Variants in POLA1 observed in about 807,000 individuals in gnomAD.
POLA1 encodes DNA polymerase alpha catalytic subunit.
In POLA1, 15 loss-of-function variants were observed where a neutral mutation model predicts 124.0. The observed-to-expected ratio is 0.12, with a 90% CI of 0.08 to 0.19. The LOEUF (loss-of-function observed/expected upper bound fraction) is 0.19, where lower values mean the gene tolerates loss of function less well. POLA1 is among the 10% of genes least tolerant of loss of function. The pLI, the probability that POLA1 is intolerant of heterozygous loss-of-function variation, is 1.00. For missense variants in POLA1, 886 were observed against 1,103.4 expected, an observed-to-expected ratio of 0.80 and a Z score of 2.79; for synonymous variants, 408 against 389.4, an observed-to-expected ratio of 1.05 and a Z score of -0.56.
At chrX:24,911,973 A>G (rs924331647) in intron 35 of POLA1, among the ~76,000 whole-genome samples, 1 of 112,567 alleles carries the variant, frequency 8.9e-6, no homozygotes, top group African/African-American at 3.2e-5. Flanking sequence ...GAATCAATAC[A>G]TAGCTTTAAT....
At chrX:24,887,532 G>A (rs368023030) in intron 34 of POLA1, among the ~76,000 whole-genome samples, 8 of 111,993 alleles carry the variant, frequency 7.1e-5, no homozygotes, top group East Asian at 2.8e-4. Flanking sequence ...TTGCAACAAC[G>A]GTATACGGTA....
At chrX:24,964,074 T>C in intron 36 of POLA1, among the ~76,000 whole-genome samples, 1 of 111,699 alleles carries the variant, frequency 9.0e-6, no homozygotes, top group East Asian at 2.8e-4. Context: ...GAAGTGCTGA[T>C]TGGTGGGAAG....
At chrX:24,820,581 C>T (rs1433433490) in intron 30 of POLA1, among the ~76,000 whole-genome samples, 1 of 111,685 alleles carries the variant, frequency 9.0e-6, no homozygotes, top group Non-Finnish European at 1.9e-5. Flanking sequence ...TCTTGCTTTT[C>T]CTTCTAGTGC....
chrX:24,871,845 G>A (rs10081843), intron 34 of POLA1, among the ~76,000 whole-genome samples: 32 of 112,102 alleles, frequency 2.9e-4, no homozygotes, highest in African/African-American at 9.7e-4. Flanking sequence ...AAATATAAAA[G>A]GAGCTATTTT....
At chrX:24,838,911 C>T (rs1448141206) in intron 32 of POLA1, among the ~76,000 whole-genome samples, 5 of 111,639 alleles carry the variant, frequency 4.5e-5, no homozygotes, top group Non-Finnish European at 9.4e-5. Context: ...ACTGAAACTT[C>T]GAAATAAGCT....
chrX:24,837,709 T>G (rs1439252682), intron 32 of POLA1, among the ~76,000 whole-genome samples: 1 of 112,154 alleles, frequency 8.9e-6, no homozygotes, highest in African/African-American at 3.2e-5. Context: ...TCTAAGAAAT[T>G]TTTACAAAAA....
intron 35 of POLA1, among the ~76,000 whole-genome samples, chrX:24,925,280 A>G (rs1467848174): frequency 6.3e-5 from 7 of 111,629 alleles, no homozygotes; most frequent in Non-Finnish European, 9.4e-5. Flanking sequence ...TTTTACATCA[A>G]TGAGAATGTA....
chrX:24,830,875 C>A (rs1224785544), intron 32 of POLA1, among the ~76,000 whole-genome samples: 1 of 111,968 alleles, frequency 8.9e-6, no homozygotes, highest in Non-Finnish European at 1.9e-5. Flanking sequence ...CTCCAATGAG[C>A]AATGATTTGT....
intron 26 of POLA1, among the ~76,000 whole-genome samples, chrX:24,750,151 C>T (rs1004483120): frequency 6.2e-5 from 7 of 112,243 alleles, no homozygotes; most frequent in Admixed American, 1.9e-4. Context: ...TTTTGTATTA[C>T]GAGAGCAGAG....
Position 24,742,135 on chromosome X carries a change from T to C in POLA1, c.2466+14T>C. ...CAGCAAAAACTGGTGGGTCCAAAAC[T>C]GTGTAGTATTTTGTTTTCTCTTAAC... On this transcript the variant is annotated intron_variant, in intron 22 of 36. Coordinates refer to ENST00000379068, the MANE Select transcript of POLA1 (RefSeq NM_001330360.2). 2 of 1,188,165 alleles carry C rather than the reference T, an allele frequency of 1.7e-6. No individual in the cohort carries two copies.
chrX:24,888,912 C>CA (rs1369416623), intron 35 of POLA1, among the ~76,000 whole-genome samples: 2 of 109,533 alleles, frequency 1.8e-5, no homozygotes, highest in Non-Finnish European at 3.8e-5. Flanking sequence ...CTCTGTCGCC[C>CA]AGGCTGGAGT....
intron 26 of POLA1, among the ~76,000 whole-genome samples, chrX:24,768,145 G>T (rs998983388): frequency 1.8e-5 from 2 of 112,337 alleles, no homozygotes; most frequent in African/African-American, 3.2e-5. Flanking sequence ...GAAAGGATGT[G>T]TACTGTATTA....
intron 2 of POLA1, among the ~76,000 whole-genome samples, chrX:24,701,488 T>G (rs1199529244): frequency 9.6e-6 from 1 of 103,949 alleles, no homozygotes; most frequent in Non-Finnish European, 2.0e-5. Context: ...CAGGCTGGAG[T>G]GCGATGGCAT....
At chrX:24,926,484 A>G (rs1017874842) in intron 35 of POLA1, among the ~76,000 whole-genome samples, 2 of 111,862 alleles carry the variant, frequency 1.8e-5, no homozygotes, top group South Asian at 3.8e-4. Flanking sequence ...TTAGGACCAA[A>G]AAAATGCAAG....
chrX:24,715,293 A>AT (rs1474229223), intron 6 of POLA1, 90 bp downstream of exon 6: 3 of 623,224 alleles, frequency 4.8e-6, no homozygotes, highest in Admixed American at 5.6e-5. Context: ...TATTGCCAGA[A>AT]TTTTTTCTTT....
Position 24,737,727 on chromosome X carries a change from A to G in POLA1, c.2026A>G (p.Met676Val). 9.3e-7 allele frequency: 1 copy of G among 1,080,833 alleles called. No individual in the cohort carries two copies. The highest frequency in any genetic ancestry group is 1.3e-6 in the Non-Finnish European group (1 of 785,248). 89.1% of individuals were successfully genotyped at this position (1,080,833 alleles called of 1,213,427 possible). Reference sequence around the variant, plus strand: ...GATAGGTCGACTGAAGCGATCCAACATGCCAAAGCTTGGGGTAATAATAAT... The same window carrying G: ...GATAGGTCGACTGAAGCGATCCAACGTGCCAAAGCTTGGGGTAATAATAAT... ...SKIGRLKRSN[M>V]PKLGGRSGFG... is the part of the protein sequence containing the mutation. Residue 676 changes from methionine to valine, a missense_variant, in exon 19 of 37, where the codon ATG (methionine) becomes GTG (valine). By Grantham distance (21) the Met-to-Val change is conservative. Coordinates refer to ENST00000379068, the MANE Select transcript of POLA1 (RefSeq NM_001330360.2).
intron 32 of POLA1, 69 bp from the exon 33 acceptor site, chrX:24,841,582 TG>T: frequency 1.7e-6 from 1 of 591,039 alleles, no homozygotes; most frequent in East Asian, 3.8e-5. Context: ...TAATTTTTTG[TG>T]GGAGTTTTCT....
intron 18 of POLA1, among the ~76,000 whole-genome samples, chrX:24,736,855 A>G (rs1043934866): frequency 9.0e-6 from 1 of 111,592 alleles, no homozygotes; most frequent in Non-Finnish European, 1.9e-5. Context: ...TTTTGTTTCT[A>G]TGATTTTGAC....
chrX:24,757,080 T>TA (rs747868725), intron 26 of POLA1, among the ~76,000 whole-genome samples: 48 of 110,740 alleles, frequency 4.3e-4, no homozygotes, highest in Middle Eastern at 9.1e-3. Context: ...TATTTTATGT[T>TA]AAAAAAAAGC....
Sources: gnomAD v4.1 joint callset for allele counts (sites outside exome capture counted in the v4.1 genomes callset) on GRCh38, gnomAD v4.1.1 for gene constraint, MANE v1.5 for transcripts, NCBI Gene and HGNC (gene_info 2026-07-23, HGNC 2026-07-21) for gene names.